Variants in TRIM71 observed in about 807,000 individuals in gnomAD.
TRIM71 encodes E3 ubiquitin-protein ligase TRIM71.
Under a neutral mutation model 61.2 loss-of-function variants are expected in TRIM71, and 9 were observed. That is an observed-to-expected ratio of 0.15 (90% CI 0.09 to 0.26). The LOEUF (loss-of-function observed/expected upper bound fraction) is 0.26, where lower values mean the gene tolerates loss of function less well. Ranked by LOEUF, TRIM71 falls within the 10% of genes least tolerant of loss-of-function variation. The pLI, the probability that TRIM71 is intolerant of heterozygous loss-of-function variation, is 1.00. For synonymous variants in TRIM71, 645 were observed against 553.2 expected (o/e 1.17, Z -2.33); for missense variants, 998 against 1,238.7 (o/e 0.81, Z 2.92).
intron 1 of TRIM71, among the ~76,000 whole-genome samples, chr3:32,834,597 A>G (rs1434803572): frequency 6.6e-6 from 1 of 152,082 alleles, no homozygotes; most frequent in Non-Finnish European, 1.5e-5. Context: ...AAAAGGAGGG[A>G]TGGTGGGAGG....
Position 32,818,329 on chromosome 3 carries a change from G to T in TRIM71, c.249G>T (p.Ala83=), listed in dbSNP as rs1696081956. 2.8e-6 allele frequency: 4 copies of T among 1,444,392 alleles called. No individual in the cohort carries two copies. Among genetic ancestry groups the T allele is most frequent in the Non-Finnish European group, 9.1e-7 (1 of 1,103,444 alleles). The allele number at this position is 1,444,392 out of a possible 1,614,324, so 89.5% of individuals were successfully genotyped here. A position where few individuals can be genotyped will look rare whatever the true frequency, so the allele number is the denominator to read the frequency against. ...TGCCGGCGGCGGGCGGCGGCGCGGC[G>T]GGAGAGCCGCTCAAGCTGCGCTGCC... ...HRLPAAGGGA[A]GEPLKLRCPV... Residue 83 remains alanine, a synonymous_variant, in exon 1 of 4, where the codon GCG becomes GCT. Coordinates refer to ENST00000383763, the MANE Select transcript of TRIM71 (RefSeq NM_001039111.3).
chr3:32,888,840 A>C (rs1696991106), intron 3 of TRIM71, among the ~76,000 whole-genome samples: 1 of 152,176 alleles, frequency 6.6e-6, no homozygotes, highest in Admixed American at 6.5e-5. Flanking sequence ...CTAATTCTTT[A>C]AGAATATGAA....
intron 1 of TRIM71, among the ~76,000 whole-genome samples, chr3:32,822,480 G>A (rs370164934): frequency 6.6e-6 from 1 of 152,138 alleles, no homozygotes; most frequent in East Asian, 1.9e-4. Context: ...CAGTCACTTG[G>A]AACAAGGAGG....
At chr3:32,829,626 TTG>T (rs10524029) in intron 1 of TRIM71, among the ~76,000 whole-genome samples, 3,714 of 148,684 alleles carry the variant, frequency 0.025, 115 homozygotes, top group African/African-American at 0.081. Flanking sequence ...TGTCATGGTA[TTG>T]TGTGTGTGTG....
chr3:32,866,139 A>G (rs1696734102), intron 1 of TRIM71, among the ~76,000 whole-genome samples: 1 of 150,696 alleles, frequency 6.6e-6, no homozygotes, highest in South Asian at 2.1e-4. Context: ...CTTACTTTTA[A>G]AACATGATGC....
chr3:32,888,434 CAAAAAAAAAAAAAAAAAAAAAAAAAAA>C (rs56834147), intron 3 of TRIM71, among the ~76,000 whole-genome samples: 2,941 of 95,870 alleles, frequency 0.031, 73 homozygotes, highest in Non-Finnish European at 0.04. Flanking sequence ...CCATCTCTAC[CAAAAAAAAAAAAAAAAAAAAAAAAAAA>C]AAAAAAAAAA....
rs912442136 is a variant in TRIM71 at position 32,893,606 on chromosome 3, T to C, written c.*1795T>C. On this transcript the variant is annotated 3_prime_UTR_variant, in exon 4 of 4. Transcript: ENST00000383763. ...TTGTTTAAAGACTTATGGATCAACT[T>C]CTGTTCCTCTGTTTAAGAGAAATTT... is the stretch of plus-strand genomic sequence containing the variant. 1 of 152,206 alleles carries C rather than the reference T, an allele frequency of 6.6e-6. No individual in the cohort carries two copies. Among genetic ancestry groups the C allele is most frequent in the Non-Finnish European group, 1.5e-5 (1 of 68,036 alleles). The allele number at this position is 152,206 out of a possible 1,614,324, so 9.4% of individuals were successfully genotyped here. A position where few individuals can be genotyped will look rare whatever the true frequency, so the allele number is the denominator to read the frequency against.
At chr3:32,882,834 A>T (rs1696924399) in intron 2 of TRIM71, among the ~76,000 whole-genome samples, 1 of 152,112 alleles carries the variant, frequency 6.6e-6, no homozygotes, top group Admixed American at 6.6e-5. Flanking sequence ...GAGCCACCGT[A>T]CCCGGCCCCA....
rs967564594 is a variant in TRIM71 at position 32,895,250 on chromosome 3, C to T, written c.*3439C>T. The T allele has an allele frequency of 2.0e-5, 3 of 152,198 alleles. No individual in the cohort carries two copies. Among genetic ancestry groups the T allele is most frequent in the African/African-American group, 7.2e-5 (3 of 41,446 alleles). The allele number at this position is 152,198 out of a possible 1,614,324, so 9.4% of individuals were successfully genotyped here. On this transcript the variant is annotated 3_prime_UTR_variant, in exon 4 of 4. Coordinates refer to ENST00000383763, the MANE Select transcript of TRIM71 (RefSeq NM_001039111.3). ...CTGGGTTGTACCCCAAGTGCACTAA[C>T]TCCTCAATGCCCTTTTAAGTCTAAC...
chr3:32,881,828 T>C (rs1159253408), intron 2 of TRIM71, among the ~76,000 whole-genome samples: 1 of 152,214 alleles, frequency 6.6e-6, no homozygotes, highest in East Asian at 1.9e-4. Flanking sequence ...CATCTTGGAA[T>C]GCCATGCTTG....
intron 1 of TRIM71, among the ~76,000 whole-genome samples, chr3:32,857,925 C>T (rs760195538): frequency 1.1e-4 from 17 of 151,880 alleles, no homozygotes; most frequent in South Asian, 4.2e-4. Context: ...AAGCCGAGAT[C>T]GCACCACTGC....
chr3:32,890,326 C>CT lies in TRIM71; in HGVS notation c.1156-33dup. ...ATTTTCTGTGCTTGGCTCTAAGCCT[C>CT]TGTGTCTTTCTCCACTCTTGCTTTT... is the stretch of plus-strand genomic sequence containing the variant. On this transcript the variant is annotated intron_variant, in intron 3 of 3. Coordinates refer to ENST00000383763, the MANE Select transcript of TRIM71 (RefSeq NM_001039111.3). The surrounding 1 kb of genome is among the most constrained non-coding windows in gnomAD (Gnocchi z 6.2). 4 of 1,591,656 alleles carry CT rather than the reference C, an allele frequency of 2.5e-6. No individual in the cohort carries two copies. The highest frequency in any genetic ancestry group is 2.6e-6 in the Non-Finnish European group (3 of 1,165,526).
In TRIM71 at chr3:32,818,758, G is replaced by T. The variant is rs777775054; in HGVS notation, c.678G>T (p.Ala226=). The T allele has an allele frequency of 3.1e-6, 5 of 1,605,418 alleles. No individual in the cohort carries two copies. In the African/African-American group the frequency reaches 5.3e-5, roughly 17 times the overall value. Residue 226 remains alanine (A), a synonymous_variant, in exon 1 of 4, where the codon GCG becomes GCT. Transcript: ENST00000383763. Reference sequence around the variant, plus strand: ...ACCTGTGCGACAACTGCGTCCGAGCGCACCAGCGCGTGCGCCTCACCAAGG... The same window carrying T: ...ACCTGTGCGACAACTGCGTCCGAGCTCACCAGCGCGTGCGCCTCACCAAGG... The part of the protein sequence containing the change: ...QEHLCDNCVR[A]HQRVRLTKDH...
At chr3:32,833,949 T>G (rs1236413157) in intron 1 of TRIM71, among the ~76,000 whole-genome samples, 3 of 152,206 alleles carry the variant, frequency 2.0e-5, no homozygotes, top group Non-Finnish European at 4.4e-5. Context: ...GGTTTTTACT[T>G]CCTTTGTTTC....
Position 32,894,928 on chromosome 3 carries a change from G to A in TRIM71, c.*3117G>A, listed in dbSNP as rs762837798. ...GTAGGAGAATAAAAAGGTTTCTGGG[G>A]AGTAAGTATGACAATTACTAGTCCC... On this transcript the variant is annotated 3_prime_UTR_variant, in exon 4 of 4. Coordinates refer to ENST00000383763, the MANE Select transcript of TRIM71 (RefSeq NM_001039111.3). 1.3e-5 allele frequency: 2 copies of A among 152,312 alleles called. No individual in the cohort carries two copies. The highest frequency in any genetic ancestry group is 3.9e-4 in the East Asian group (2 of 5,184). The allele number at this position is 152,312 out of a possible 1,614,324, so 9.4% of individuals were successfully genotyped here. A position where few individuals can be genotyped will look rare whatever the true frequency, so the allele number is the denominator to read the frequency against.
chr3:32,858,648 T>C (rs559212057), intron 1 of TRIM71, among the ~76,000 whole-genome samples: 14 of 152,202 alleles, frequency 9.2e-5, no homozygotes, highest in African/African-American at 3.4e-4. Context: ...ATGAGTATTG[T>C]GGAAAGACTA....
At chr3:32,874,333 C>T (rs1178677921) in intron 2 of TRIM71, among the ~76,000 whole-genome samples, 1 of 144,574 alleles carries the variant, frequency 6.9e-6, no homozygotes, top group Non-Finnish European at 1.5e-5. Context: ...ATTACTACTA[C>T]TACTACTACT....
At chr3:32,822,559 G>T (rs1307002902) in intron 1 of TRIM71, among the ~76,000 whole-genome samples, 1 of 152,138 alleles carries the variant, frequency 6.6e-6, no homozygotes, top group South Asian at 2.1e-4. Context: ...TTGTAAATGG[G>T]ACTGTACCTG....
intron 1 of TRIM71, among the ~76,000 whole-genome samples, chr3:32,872,267 TA>T (rs1161124764): frequency 6.6e-6 from 1 of 152,210 alleles, no homozygotes; most frequent in East Asian, 1.9e-4. Context: ...TTCTGAATCG[TA>T]AAGTTTCTAG....
Sources: allele counts gnomAD v4.1 joint callset (sites outside exome capture counted in the v4.1 genomes callset), GRCh38; gene constraint gnomAD v4.1.1; non-coding constraint Gnocchi (gnomAD v3.1); transcripts MANE v1.5; gene names NCBI Gene and HGNC (gene_info 2026-07-23, HGNC 2026-07-21).